Variants in SCHIP1 observed in about 807,000 individuals in gnomAD.
SCHIP1 encodes schwannomin-interacting protein 1.
Under a neutral mutation model 29.7 loss-of-function variants are expected in SCHIP1, and 8 were observed. The observed-to-expected ratio is 0.27, with a 90% confidence interval of 0.16 to 0.49. The LOEUF (loss-of-function observed/expected upper bound fraction) is 0.49. SCHIP1 is among the 20% of genes least tolerant of loss of function. The pLI is 0.99. For synonymous variants in SCHIP1, 76 were observed against 94.9 expected, an observed-to-expected ratio of 0.80 and a Z score of 1.16; for missense variants, 193 against 294.6, an observed-to-expected ratio of 0.66 and a Z score of 2.52.
At chr3:159,392,300 C>A in the SCHIP1 span, among the ~76,000 whole-genome samples, 3 of 151,968 alleles carry the variant, frequency 2.0e-5, no homozygotes, top group South Asian at 6.2e-4. Context: ...ATGTTCTTGC[C>A]AGCACTCTTT....
At chr3:159,722,952 G>T in the SCHIP1 span, among the ~76,000 whole-genome samples, 1 of 152,150 alleles carries the variant, frequency 6.6e-6, no homozygotes, top group Non-Finnish European at 1.5e-5. Context: ...ACTAGATGTG[G>T]TTACTCCTCT....
chr3:159,461,988 T>C, the SCHIP1 span, among the ~76,000 whole-genome samples: 1 of 152,060 alleles, frequency 6.6e-6, no homozygotes, highest in African/African-American at 2.4e-5. Context: ...GGTGGGCGGA[T>C]CACCTGAGAT....
chr3:159,278,698 A>G, the SCHIP1 span, among the ~76,000 whole-genome samples: 74 of 152,204 alleles, frequency 4.9e-4, no homozygotes, highest in African/African-American at 1.8e-3. Context: ...GTCAATATCA[A>G]GTCAGCATAG....
At chr3:159,803,648 A>G in the SCHIP1 span, among the ~76,000 whole-genome samples, 1 of 152,350 alleles carries the variant, frequency 6.6e-6, no homozygotes, top group African/African-American at 2.4e-5. Context: ...ACGTAGATAC[A>G]GACCCTGCAT....
At chr3:159,427,425 A>G in the SCHIP1 span, among the ~76,000 whole-genome samples, 3 of 151,554 alleles carry the variant, frequency 2.0e-5, no homozygotes, top group Non-Finnish European at 3.0e-5. Flanking sequence ...GAGCCAAATC[A>G]TGAGTGAACT....
the SCHIP1 span, among the ~76,000 whole-genome samples, chr3:159,792,008 G>A: frequency 1.4e-4 from 22 of 152,146 alleles, no homozygotes; most frequent in Middle Eastern, 3.4e-3. Flanking sequence ...GGGTATGAAC[G>A]TGTGTGCCCA....
chr3:159,526,627 G>C, the SCHIP1 span, among the ~76,000 whole-genome samples: 1 of 152,214 alleles, frequency 6.6e-6, no homozygotes, highest in Non-Finnish European at 1.5e-5. Flanking sequence ...TGCAGGCCTA[G>C]GTCTCTAACA....
At chr3:159,798,476 G>C in the SCHIP1 span, among the ~76,000 whole-genome samples, 1 of 152,008 alleles carries the variant, frequency 6.6e-6, no homozygotes, top group Non-Finnish European at 1.5e-5. Flanking sequence ...AGCCAAACAA[G>C]GCCAGGCGCA....
the SCHIP1 span, among the ~76,000 whole-genome samples, chr3:159,449,689 C>T: frequency 6.6e-6 from 1 of 152,080 alleles, no homozygotes. Context: ...AATCTATGGT[C>T]ACTATTCAAA....
chr3:159,296,837 C>T, the SCHIP1 span, among the ~76,000 whole-genome samples: 1 of 152,086 alleles, frequency 6.6e-6, no homozygotes, highest in Non-Finnish European at 1.5e-5. Context: ...GCATTATTAA[C>T]CATAGTTACT....
the SCHIP1 span, among the ~76,000 whole-genome samples, chr3:159,506,820 G>T: frequency 2.6e-5 from 4 of 152,086 alleles, no homozygotes; most frequent in Admixed American, 1.3e-4. Context: ...TGTTCCATTG[G>T]TCTATACCTC....
chr3:159,839,897 CG>C, exon 1 of SCHIP1: 10 of 1,391,136 alleles, frequency 7.2e-6, no homozygotes, highest in Non-Finnish European at 9.3e-6. Flanking sequence ...GCTGATTGTG[CG>C]GGTGATGAGC....
chr3:159,317,637 C>G, the SCHIP1 span, among the ~76,000 whole-genome samples: 8 of 152,322 alleles, frequency 5.3e-5, no homozygotes, highest in African/African-American at 1.9e-4. Context: ...TTCTACTGTT[C>G]TATCTGTCTA....
chr3:159,519,754 C>CA, the SCHIP1 span, among the ~76,000 whole-genome samples: 2 of 151,124 alleles, frequency 1.3e-5, no homozygotes, highest in Admixed American at 6.6e-5. Flanking sequence ...TAAGATTGTA[C>CA]AAAACAATAT....
chr3:159,579,015 T>C, the SCHIP1 span, among the ~76,000 whole-genome samples: 2 of 152,226 alleles, frequency 1.3e-5, no homozygotes, highest in African/African-American at 4.8e-5. Context: ...AATACTGATC[T>C]ACATAATTCA....
At chr3:159,381,488 A>T in the SCHIP1 span, among the ~76,000 whole-genome samples, 1 of 152,168 alleles carries the variant, frequency 6.6e-6, no homozygotes, top group South Asian at 2.1e-4. Context: ...TAATCAATCC[A>T]TCCAAAAACC....
chr3:159,457,781 G>A, the SCHIP1 span, among the ~76,000 whole-genome samples: 2 of 151,966 alleles, frequency 1.3e-5, no homozygotes, highest in South Asian at 4.2e-4. Flanking sequence ...TGATAAAGTT[G>A]AATTTAGAAA....
At chr3:159,725,471 C>T in the SCHIP1 span, among the ~76,000 whole-genome samples, 1 of 151,924 alleles carries the variant, frequency 6.6e-6, no homozygotes. Context: ...GTTTCATCAT[C>T]TTGGTCAGGT....
At chr3:159,764,341 CGGGCGCAGGGTGCG>C in the SCHIP1 span, 1 of 1,386,410 alleles carries the variant, frequency 7.2e-7, no homozygotes, top group Non-Finnish European at 9.6e-7. This position sits in a 1 kb window ranked among gnomAD's most constrained non-coding sequence, Gnocchi z 6.1. Flanking sequence ...TCTGACCCAG[CGGGCGCAGGGTGCG>C]GGGCACTGAG....
Sources: gnomAD v4.1 joint callset for allele counts (sites outside exome capture counted in the v4.1 genomes callset) on GRCh38, gnomAD v4.1.1 for gene constraint, Gnocchi (gnomAD v3.1) non-coding constraint, MANE v1.5 for transcripts, NCBI Gene and HGNC (gene_info 2026-07-23, HGNC 2026-07-21) for gene names.